The following WNK1 variants were observed in gnomAD, a reference collection of about 807,000 sequenced individuals.
WNK1 encodes the protein WNK lysine deficient protein kinase 1, also known as serine/threonine-protein kinase WNK1.
WNK1 carries 38 observed loss-of-function variants against 222.8 expected under a neutral mutation model. The observed-to-expected ratio is 0.17, with a 90% confidence interval of 0.13 to 0.22. WNK1 has a LOEUF of 0.22. Among genes scored for constraint, WNK1 ranks in the 10% least tolerant of loss-of-function variants. The pLI is 1.00. For synonymous variants in WNK1, 1,090 were observed against 1,092.9 expected (o/e 1.00, Z 0.05); for missense variants, 2,348 against 2,918.4 (o/e 0.80, Z 4.50).
chr12:792,204 G>C (rs1944902063), intron 1 of WNK1, among the ~76,000 whole-genome samples: 10 of 152,032 alleles, frequency 6.6e-5, no homozygotes, highest in African/African-American at 2.4e-4. Flanking sequence ...GTGAGCTTAG[G>C]AAGAGCAAAG....
chr12:754,557 T>G (rs1249366811), intron 1 of WNK1, among the ~76,000 whole-genome samples: 1 of 152,210 alleles, frequency 6.6e-6, no homozygotes, highest in Non-Finnish European at 1.5e-5. Context: ...GCAGCGGTGG[T>G]GAAGGTCATC....
chr12:901,561 G>T, intron 26 of WNK1: 1 of 1,288,778 alleles, frequency 7.8e-7, no homozygotes, highest in South Asian at 1.2e-5. Flanking sequence ...CCTCTCACAG[G>T]CTGTGCGAAG....
intron 1 of WNK1, among the ~76,000 whole-genome samples, chr12:804,966 T>C (rs1271279115): frequency 6.8e-6 from 1 of 148,094 alleles, no homozygotes; most frequent in Admixed American, 6.8e-5. Flanking sequence ...AAAATATAAT[T>C]AATATTTTAA....
At chr12:796,335 C>T (rs186725317) in intron 1 of WNK1, among the ~76,000 whole-genome samples, 87 of 152,122 alleles carry the variant, frequency 5.7e-4, no homozygotes, top group Non-Finnish European at 8.8e-4. Context: ...TGCTACTTGT[C>T]ATGTATTTTT....
rs556360570 is a variant in WNK1, at chr12:899,856, G to T, written c.6449-620G>T. ...AATGATTCAACACATTTTCTAATAGGGTAAAAAAAAAAGCAATCATGGAAT... is the reference window on the plus strand; with the variant it reads ...AATGATTCAACACATTTTCTAATAGTGTAAAAAAAAAAGCAATCATGGAAT... On this transcript the variant is annotated intron_variant, in intron 25 of 27. Transcript: ENST00000315939. Among the ~76,000 whole-genome samples, 423 of 125,678 alleles carry T rather than the reference G, an allele frequency of 3.4e-3. 1 individual carries two copies. In the Middle Eastern group the frequency reaches 0.039, roughly 12 times the overall value. The allele number at this position is 125,678 out of a possible 152,430, so 82.4% of individuals were successfully genotyped here. A position where few individuals can be genotyped will look rare whatever the true frequency, so the allele number is the denominator to read the frequency against.
intron 4 of WNK1, among the ~76,000 whole-genome samples, chr12:833,686 T>G (rs959375319): frequency 2.0e-5 from 3 of 152,230 alleles, no homozygotes; most frequent in Non-Finnish European, 4.4e-5. Context: ...ATTCTACTTA[T>G]AAATTCATAA....
chr12:850,117 GT>G (rs1950309770), intron 4 of WNK1, among the ~76,000 whole-genome samples: 1 of 152,126 alleles, frequency 6.6e-6, no homozygotes, highest in South Asian at 2.1e-4. Context: ...GGTATTTCTA[GT>G]TCTAGATCCC....
chr12:762,289 ACCT>A (rs1180627056), intron 1 of WNK1, among the ~76,000 whole-genome samples: 3 of 146,554 alleles, frequency 2.0e-5, no homozygotes, highest in African/African-American at 7.3e-5. Context: ...CGAACTCCTG[ACCT>A]CAAGTGATCC....
chr12:874,646 CAAAT>C (rs891469005), intron 9 of WNK1, among the ~76,000 whole-genome samples: 16 of 151,974 alleles, frequency 1.1e-4, no homozygotes, highest in African/African-American at 3.1e-4. Flanking sequence ...TTCTAAAAAA[CAAAT>C]AAGGATAATA....
At chr12:821,615 T>C (rs1947886589) in intron 2 of WNK1, among the ~76,000 whole-genome samples, 1 of 152,264 alleles carries the variant, frequency 6.6e-6, no homozygotes, top group Non-Finnish European at 1.5e-5. Flanking sequence ...CTAGATGTTT[T>C]ATCCGTTATT....
intron 4 of WNK1, among the ~76,000 whole-genome samples, chr12:856,450 T>A (rs1950799783): frequency 1.5e-5 from 2 of 130,638 alleles, no homozygotes; most frequent in African/African-American, 5.3e-5. Flanking sequence ...CAAGACTCCA[T>A]CTCGAGGGAA....
chr12:827,339 T>G lies in WNK1; in HGVS notation c.1153+77T>G. ...ATTTAGAATCCTGGCTCTGTCAGAGTTTTAAGTGATATAAACCTTAAGAAA... is the reference window on the plus strand; with the variant it reads ...ATTTAGAATCCTGGCTCTGTCAGAGGTTTAAGTGATATAAACCTTAAGAAA... On this transcript the variant is annotated intron_variant, in intron 3 of 27. Coordinates refer to ENST00000315939, the MANE Select transcript of WNK1 (RefSeq NM_018979.4). This position sits in a 1 kb window ranked among gnomAD's most constrained non-coding sequence, Gnocchi z 4.6. 2.3e-6 allele frequency: 3 copies of G among 1,300,338 alleles called. No homozygotes were observed. Among genetic ancestry groups the G allele is most frequent in the Non-Finnish European group, 3.3e-6 (3 of 896,214 alleles). The allele number at this position is 1,300,338 out of a possible 1,614,324, so 80.6% of individuals were successfully genotyped here.
chr12:797,670 C>T (rs906087571), intron 1 of WNK1, among the ~76,000 whole-genome samples: 2 of 151,944 alleles, frequency 1.3e-5, no homozygotes, highest in African/African-American at 2.4e-5. Flanking sequence ...TCTGGCCAGG[C>T]GGCTGTGGCT....
chr12:852,519 G>C (rs1172271193), intron 4 of WNK1, among the ~76,000 whole-genome samples: 5 of 152,198 alleles, frequency 3.3e-5, no homozygotes, highest in African/African-American at 1.2e-4. Context: ...TAGAGCCAGT[G>C]AGTTGTTGGC....
rs186091281 is a variant in WNK1, at chr12:814,401, G to T, written c.932+587G>T. Among the ~76,000 whole-genome samples the T allele has an allele frequency of 1.1e-4, 17 of 151,648 alleles. No homozygotes were observed. The East Asian group carries it at 3.3e-3, about 29-fold the overall frequency. On this transcript the variant is annotated intron_variant, in intron 2 of 27. Transcript: ENST00000315939. ...CTCTAGTGGTTAAAATGAGATTAAG[G>T]TTTATTGAGAAACTACCTATTTTTT...
intron 26 of WNK1, chr12:901,662 C>T (rs1955271398): frequency 7.9e-7 from 1 of 1,263,186 alleles, no homozygotes; most frequent in East Asian, 5.6e-5. Context: ...TTGTGTGTAA[C>T]ACCTTTACTC....
chr12:837,586 A>AG (rs1436526218), intron 4 of WNK1, among the ~76,000 whole-genome samples: 2 of 140,880 alleles, frequency 1.4e-5, no homozygotes, highest in African/African-American at 5.0e-5. Context: ...AAAAAAAAAA[A>AG]AAAAAAGAAA....
intron 1 of WNK1, among the ~76,000 whole-genome samples, chr12:793,713 A>G (rs1002584494): frequency 9.2e-5 from 14 of 152,286 alleles, no homozygotes; most frequent in East Asian, 7.7e-4. Context: ...AATCTATATG[A>G]TGATAGTTTG....
intron 4 of WNK1, among the ~76,000 whole-genome samples, chr12:840,691 T>TTAAACATATG (rs1949561174): frequency 6.6e-6 from 1 of 152,218 alleles, no homozygotes; most frequent in African/African-American, 2.4e-5. Flanking sequence ...TACTCCTGTG[T>TTAAACATATG]TAAACATATG....
Sources: allele counts gnomAD v4.1 joint callset (sites outside exome capture counted in the v4.1 genomes callset), GRCh38; gene constraint gnomAD v4.1.1; non-coding constraint Gnocchi (gnomAD v3.1); transcripts MANE v1.5; gene names NCBI Gene and HGNC (gene_info 2026-07-23, HGNC 2026-07-21).